Variants in SORCS2 observed in about 807,000 individuals in gnomAD.
The protein encoded by SORCS2 is sortilin related VPS10 domain containing receptor 2.
A neutral mutation model predicts 141.6 loss-of-function variants in SORCS2; 100 were observed. The observed-to-expected ratio is 0.71, with a 90% CI of 0.60 to 0.83. The LOEUF (loss-of-function observed/expected upper bound fraction) is 0.83. Among genes scored for constraint, SORCS2 ranks in the 40% least tolerant of loss-of-function variants. SORCS2 has a pLI of 0.00. For synonymous variants in SORCS2, 789 were observed against 676.9 expected (o/e 1.17, Z -2.57); for missense variants, 1,646 against 1,560.2 (o/e 1.05, Z -0.93).
At chr4:7,543,317 A>G (rs899225136) in intron 3 of SORCS2, among the ~76,000 whole-genome samples, 7 of 152,270 alleles carry the variant, frequency 4.6e-5, no homozygotes, top group Admixed American at 2.6e-4. Context: ...TCATCAGTCC[A>G]CTAATTCATT....
chr4:7,715,135 G>A (rs547780903), intron 16 of SORCS2, 48 bp from the exon 17 acceptor site: 167 of 1,604,384 alleles, frequency 1.0e-4, no homozygotes, highest in Non-Finnish European at 1.3e-4. Context: ...GGGTGACTCC[G>A]GTTCCCACCT....
intron 1 of SORCS2, among the ~76,000 whole-genome samples, chr4:7,372,678 A>G (rs942352034): frequency 6.6e-6 from 1 of 152,192 alleles, no homozygotes; most frequent in Non-Finnish European, 1.5e-5. Context: ...ACGCAACACC[A>G]CAGTTGAGAT....
At chr4:7,629,873 T>C (rs1719768520) in intron 3 of SORCS2, among the ~76,000 whole-genome samples, 1 of 152,162 alleles carries the variant, frequency 6.6e-6, no homozygotes, top group African/African-American at 2.4e-5. Flanking sequence ...TGCAACGCGC[T>C]GTCGGCCACC....
At chr4:7,254,053 G>A (rs1331861078) in intron 1 of SORCS2, among the ~76,000 whole-genome samples, 1 of 152,206 alleles carries the variant, frequency 6.6e-6, no homozygotes, top group African/African-American at 2.4e-5. Flanking sequence ...AGAGAAGAGG[G>A]AACTCTTAGG....
chr4:7,246,547 C>G (rs1713106688), intron 1 of SORCS2, among the ~76,000 whole-genome samples: 1 of 152,070 alleles, frequency 6.6e-6, no homozygotes. Context: ...AGATCTCACT[C>G]AGGGCTTAAA....
chr4:7,648,483 G>C lies in SORCS2; in HGVS notation c.814-5651G>C, dbSNP rs1180164837. Among the ~76,000 whole-genome samples the C allele has an allele frequency of 1.3e-5, 2 of 152,268 alleles. No individual in the cohort carries two copies. The highest frequency in any genetic ancestry group is 3.4e-3 in the Middle Eastern group (1 of 294). On this transcript the variant is annotated intron_variant, in intron 4 of 26. Transcript: ENST00000507866. The surrounding 1 kb of genome is among the most constrained non-coding windows in gnomAD (Gnocchi z 4.2). ...TCAGCCCCCGCCTTCCTCTGCCTGGGAGTATTTATAGAGGGCCTTCTAGGT... is the reference window on the plus strand; with the variant it reads ...TCAGCCCCCGCCTTCCTCTGCCTGGCAGTATTTATAGAGGGCCTTCTAGGT...
chr4:7,225,645 G>A (rs1479842147), intron 1 of SORCS2, among the ~76,000 whole-genome samples: 1 of 152,172 alleles, frequency 6.6e-6, no homozygotes, highest in Non-Finnish European at 1.5e-5. Context: ...TGTGGTTGCT[G>A]CTAGACTGGG....
chr4:7,235,356 C>G (rs1462733074), intron 1 of SORCS2, among the ~76,000 whole-genome samples: 1 of 152,248 alleles, frequency 6.6e-6, no homozygotes, highest in Non-Finnish European at 1.5e-5. Flanking sequence ...CACAGCAGAT[C>G]TTTGGGGCAG....
At chr4:7,304,759 G>T (rs1195738802) in intron 1 of SORCS2, among the ~76,000 whole-genome samples, 1 of 152,204 alleles carries the variant, frequency 6.6e-6, no homozygotes, top group African/African-American at 2.4e-5. Context: ...TGCAGAGCTT[G>T]GTGGGGGGCC....
At chr4:7,656,569 G>T (rs955262477) in intron 5 of SORCS2, among the ~76,000 whole-genome samples, 1 of 152,226 alleles carries the variant, frequency 6.6e-6, no homozygotes, top group African/African-American at 2.4e-5. Context: ...AAGTCCTGCT[G>T]CCCCCAAGCT....
chr4:7,636,848 T>A (rs1179487579), intron 3 of SORCS2, among the ~76,000 whole-genome samples: 1 of 152,142 alleles, frequency 6.6e-6, no homozygotes, highest in Non-Finnish European at 1.5e-5. Flanking sequence ...AGCAGCAATG[T>A]ATCCTCTCTC....
chr4:7,630,986 G>T (rs1719853555), intron 3 of SORCS2, among the ~76,000 whole-genome samples: 1 of 151,914 alleles, frequency 6.6e-6, no homozygotes, highest in Non-Finnish European at 1.5e-5. Context: ...GCAGAGGCGA[G>T]TGTGATCCAG....
intron 1 of SORCS2, among the ~76,000 whole-genome samples, chr4:7,221,613 T>G (rs1728709969): frequency 6.6e-6 from 1 of 152,188 alleles, no homozygotes; most frequent in Non-Finnish European, 1.5e-5. Context: ...CTTAACATGC[T>G]TTGGGCCCGT....
Position 7,456,862 on chromosome 4 carries a change from A to C in SORCS2, c.548+60507A>C, listed in dbSNP as rs569921166. Among the ~76,000 whole-genome samples, 265 of 144,040 alleles carry C rather than the reference A, an allele frequency of 1.8e-3. 3 individuals carry two copies. Among genetic ancestry groups the C allele is most frequent in the African/African-American group, 6.0e-3 (235 of 39,138 alleles). 94.5% of individuals were successfully genotyped at this position (144,040 alleles called of 152,430 possible). A position where few individuals can be genotyped will look rare whatever the true frequency, so the allele number is the denominator to read the frequency against. On this transcript the variant is annotated intron_variant, in intron 2 of 26. Transcript: ENST00000507866. ...GGCCTGCAGAATTCCACCCCACCCC[A>C]CCCTACCCTGGCATTTAGAAGTGGT...
At position 7,273,043 on chromosome 4, in the gene SORCS2, G is replaced by A. The variant is rs374468155; in HGVS notation, c.480+79917G>A. Among the ~76,000 whole-genome samples, 20 of 152,344 alleles carry A rather than the reference G, an allele frequency of 1.3e-4. No individual in the cohort carries two copies. In the South Asian group the frequency reaches 4.1e-3, roughly 32 times the overall value. On this transcript the variant is annotated intron_variant, in intron 1 of 26. Coordinates refer to ENST00000507866, the MANE Select transcript of SORCS2 (RefSeq NM_020777.3). ...GCTGCAGGGTTGTTTCTGAGTAGGG[G>A]GCTGCTACCTCTCCATGTGCCTCAG...
At chr4:7,409,498 C>A (rs1423882318) in intron 2 of SORCS2, among the ~76,000 whole-genome samples, 1 of 152,206 alleles carries the variant, frequency 6.6e-6, no homozygotes, top group Non-Finnish European at 1.5e-5. Flanking sequence ...AGTCCTTCCT[C>A]CCTTGTCTCT....
intron 3 of SORCS2, among the ~76,000 whole-genome samples, chr4:7,608,744 C>T (rs536730432): frequency 8.5e-5 from 13 of 152,298 alleles, no homozygotes; most frequent in Admixed American, 7.2e-4. Context: ...ACAGGCTTCC[C>T]GCTCCAGGGA....
chr4:7,430,807 G>C (rs6822927), intron 2 of SORCS2: 102,463 of 152,168 alleles, frequency 0.67, 34,832 homozygotes, highest in Middle Eastern at 0.76. Context: ...AGCACCCTCC[G>C]CTGAAAAGCC....
At chr4:7,517,483 A>G (rs1055969525) in intron 2 of SORCS2, among the ~76,000 whole-genome samples, 26 of 152,194 alleles carry the variant, frequency 1.7e-4, no homozygotes, top group African/African-American at 6.0e-4. Flanking sequence ...AAAACACTCA[A>G]TACGTCATTT....
Sources: allele counts gnomAD v4.1 joint callset (sites outside exome capture counted in the v4.1 genomes callset), GRCh38; gene constraint gnomAD v4.1.1; non-coding constraint Gnocchi (gnomAD v3.1); transcripts MANE v1.5; gene names NCBI Gene and HGNC (gene_info 2026-07-23, HGNC 2026-07-21).